The following SPATS2 variants were observed in gnomAD, a reference collection of about 807,000 sequenced individuals.
SPATS2 encodes spermatogenesis associated serine rich 2.
Under a neutral mutation model 63.7 loss-of-function variants are expected in SPATS2, and 38 were observed. The ratio of observed to expected loss-of-function variants is 0.60; its 90% confidence interval spans 0.46 to 0.78. The LOEUF is 0.78. SPATS2 is among the 30% of genes least tolerant of loss of function. SPATS2 has a pLI of 0.00. For synonymous variants in SPATS2, 207 were observed against 232.9 expected (o/e 0.89, Z 1.01); for missense variants, 588 against 666.2 (o/e 0.88, Z 1.29).
chr12:49,471,513 A>G (rs142869251), intron 3 of SPATS2, among the ~76,000 whole-genome samples: 2 of 152,208 alleles, frequency 1.3e-5, no homozygotes, highest in African/African-American at 4.8e-5. Context: ...AAAAATTTTT[A>G]TAGAGACAGG....
At chr12:49,475,655 T>C (rs1001141797) in intron 3 of SPATS2, among the ~76,000 whole-genome samples, 2 of 152,210 alleles carry the variant, frequency 1.3e-5, no homozygotes, top group Non-Finnish European at 2.9e-5. Context: ...TTGGCTAGAC[T>C]AGTCTCTAAC....
chr12:49,475,530 T>C (rs950357109), intron 3 of SPATS2, among the ~76,000 whole-genome samples: 2 of 152,178 alleles, frequency 1.3e-5, no homozygotes, highest in Admixed American at 6.5e-5. Context: ...AAGCTCCGCC[T>C]CCCTGGTTCA....
intron 11 of SPATS2, 112 bp downstream of exon 11, chr12:49,519,294 C>G: frequency 2.5e-6 from 2 of 791,520 alleles, no homozygotes; most frequent in Non-Finnish European, 3.8e-6. Context: ...CTTCCTTTCC[C>G]AAACCTGGCC....
chr12:49,499,439 GT>G (rs1946526459), intron 8 of SPATS2, among the ~76,000 whole-genome samples: 1 of 141,940 alleles, frequency 7.0e-6, no homozygotes, highest in African/African-American at 2.8e-5. Context: ...GTTTTGTTTT[GT>G]TTTTTGGTGG....
In SPATS2 at chr12:49,378,133, T is replaced by A. The variant is rs1374709168; in HGVS notation, c.-244+6843T>A. Among the ~76,000 whole-genome samples, 3 of 150,388 alleles carry A rather than the reference T, an allele frequency of 2.0e-5. No homozygotes were observed. The East Asian group carries it at 5.9e-4, about 30-fold the overall frequency. ...GATTATAGGTGCTCGCCACCATGCC[T>A]GGCTAATTTTTGTATTTTTAGTAGA... On this transcript the variant is annotated intron_variant, in intron 2 of 13. Coordinates refer to ENST00000552918, the MANE Select transcript of SPATS2 (RefSeq NM_023071.4).
At chr12:49,399,194 A>G (rs1214426252) in intron 2 of SPATS2, among the ~76,000 whole-genome samples, 1 of 151,802 alleles carries the variant, frequency 6.6e-6, no homozygotes, top group Admixed American at 6.6e-5. Flanking sequence ...CATTTTCATC[A>G]AAGTTATGTG....
chr12:49,494,616 T>C, intron 6 of SPATS2, 125 bp from the exon 7 acceptor site: 1 of 970,158 alleles, frequency 1.0e-6, no homozygotes, highest in Non-Finnish European at 1.5e-6. Context: ...AATATTAAAT[T>C]TCTGAAAGAA....
chr12:49,385,789 T>C (rs1944304026), intron 2 of SPATS2, among the ~76,000 whole-genome samples: 2 of 151,900 alleles, frequency 1.3e-5, no homozygotes. Context: ...CAGGGAGCAT[T>C]GAGAGCCCCT....
chr12:49,436,250 G>C (rs1184346970), intron 2 of SPATS2, among the ~76,000 whole-genome samples: 1 of 149,266 alleles, frequency 6.7e-6, no homozygotes, highest in African/African-American at 2.5e-5. Context: ...CTCCCGGACG[G>C]GGCGGCTGGC....
chr12:49,436,467 G>GGGCGGCCA (rs1405972281), intron 2 of SPATS2, among the ~76,000 whole-genome samples: 3 of 141,206 alleles, frequency 2.1e-5, no homozygotes, highest in Non-Finnish European at 4.7e-5. Context: ...TTCCCAGTAG[G>GGGCGGCCA]GGCGGCCAGG....
intron 2 of SPATS2, among the ~76,000 whole-genome samples, chr12:49,458,282 A>T (rs1945755080): frequency 6.6e-6 from 1 of 152,148 alleles, no homozygotes. Context: ...AGCCTGGCCA[A>T]CATGGTGAAA....
chr12:49,478,211 T>C (rs1241739517), intron 3 of SPATS2, among the ~76,000 whole-genome samples: 2 of 152,162 alleles, frequency 1.3e-5, no homozygotes, highest in Non-Finnish European at 2.9e-5. Context: ...GCTCCTGGCC[T>C]CAGGCGATAC....
intron 10 of SPATS2, among the ~76,000 whole-genome samples, chr12:49,515,310 AT>A (rs1402033708): frequency 6.6e-6 from 1 of 152,228 alleles, no homozygotes; most frequent in African/African-American, 2.4e-5. Flanking sequence ...AATGGCATTG[AT>A]TTGAGGCATT....
intron 2 of SPATS2, among the ~76,000 whole-genome samples, chr12:49,439,135 C>CT (rs1309583763): frequency 3.3e-5 from 5 of 152,150 alleles, no homozygotes; most frequent in Non-Finnish European, 5.9e-5. Flanking sequence ...TCATGTGAAT[C>CT]TAGGAGAAGA....
chr12:49,525,350 C>T (rs550442018), intron 13 of SPATS2, among the ~76,000 whole-genome samples: 1 of 152,324 alleles, frequency 6.6e-6, no homozygotes, highest in East Asian at 1.9e-4. Flanking sequence ...ATAGGTTCTT[C>T]TCCTGTTTGA....
At chr12:49,475,916 T>C (rs1419286099) in intron 3 of SPATS2, among the ~76,000 whole-genome samples, 1 of 151,976 alleles carries the variant, frequency 6.6e-6, no homozygotes, top group African/African-American at 2.4e-5. Flanking sequence ...CTCTAGAGTA[T>C]AGTACTAATG....
chr12:49,499,391 G>GTTGTT (rs367735131), intron 8 of SPATS2, among the ~76,000 whole-genome samples: 21,221 of 146,308 alleles, frequency 0.15, 2,185 homozygotes, highest in East Asian at 0.48. Context: ...GTTCTGCCTG[G>GTTGTT]TTGTTTTGTT....
intron 9 of SPATS2, among the ~76,000 whole-genome samples, chr12:49,505,039 C>T (rs1327362673): frequency 1.3e-5 from 2 of 151,714 alleles, no homozygotes; most frequent in African/African-American, 4.8e-5. Context: ...GCTGGGATTA[C>T]AGGTGTGAGC....
chr12:49,507,843 T>G (rs1427477736), intron 9 of SPATS2, among the ~76,000 whole-genome samples: 3 of 152,242 alleles, frequency 2.0e-5, no homozygotes, highest in Non-Finnish European at 2.9e-5. Flanking sequence ...TTAATACGAT[T>G]GCATTTTACT....
Sources: gnomAD v4.1 joint callset for allele counts (sites outside exome capture counted in the v4.1 genomes callset) on GRCh38, gnomAD v4.1.1 for gene constraint, MANE v1.5 for transcripts, NCBI Gene and HGNC (gene_info 2026-07-23, HGNC 2026-07-21) for gene names.